RSPRY1: variants seen among roughly 807,000 people sequenced by gnomAD.
RSPRY1 encodes RING finger and SPRY domain-containing protein 1.
RSPRY1 carries 23 observed loss-of-function variants against 73.1 expected under a neutral mutation model. The ratio of observed to expected loss-of-function variants is 0.31; its 90% CI spans 0.23 to 0.45. RSPRY1 has a LOEUF of 0.45. Among genes scored for constraint, RSPRY1 ranks in the 20% least tolerant of loss-of-function variants. The pLI is 1.00. For missense variants in RSPRY1, 448 were observed against 698.7 expected (o/e 0.64, Z 4.05); for synonymous variants, 226 against 251.4 (o/e 0.90, Z 0.95).
intron 1 of RSPRY1, among the ~76,000 whole-genome samples, chr16:57,201,152 C>A: frequency 6.6e-6 from 1 of 151,842 alleles, no homozygotes; most frequent in East Asian, 1.9e-4. Context: ...GGGCTCCTCA[C>A]TTCTCAGACG....
Position 57,240,038 on chromosome 16 carries a change from G to GT in RSPRY1, c.*1069dup, listed in dbSNP as rs1396124092. On this transcript the variant is annotated 3_prime_UTR_variant, in exon 15 of 15. Transcript: ENST00000394420. ...TCTGGTGAAGACCTTCAAGAGTTTGGTTTTTTCTCCCAGGAAATTGGAAGG... is the reference window on the plus strand; with the variant it reads ...TCTGGTGAAGACCTTCAAGAGTTTGGTTTTTTTCTCCCAGGAAATTGGAAGG... The GT allele has an allele frequency of 6.6e-6, 1 of 152,096 alleles. No homozygotes were observed. The highest frequency in any genetic ancestry group is 1.5e-5 in the Non-Finnish European group (1 of 68,010). 9.4% of individuals were successfully genotyped at this position (152,096 alleles called of 1,614,324 possible). A position where few individuals can be genotyped will look rare whatever the true frequency, so the allele number is the denominator to read the frequency against.
At chr16:57,198,491 A>G (rs1473296179) in intron 1 of RSPRY1, among the ~76,000 whole-genome samples, 1 of 152,038 alleles carries the variant, frequency 6.6e-6, no homozygotes, top group African/African-American at 2.4e-5. Context: ...GATCCAACAA[A>G]CCTCTTTTTA....
intron 1 of RSPRY1, among the ~76,000 whole-genome samples, chr16:57,193,486 G>A (rs2074385003): frequency 7.2e-6 from 1 of 139,154 alleles, no homozygotes; most frequent in Admixed American, 7.6e-5. Flanking sequence ...GGGGTGTTCT[G>A]CAGGCTTTTT....
At chr16:57,189,796 G>A (rs558202809) in intron 1 of RSPRY1, among the ~76,000 whole-genome samples, 59 of 151,508 alleles carry the variant, frequency 3.9e-4, no homozygotes, top group African/African-American at 1.4e-3. Flanking sequence ...ACGCCATGTT[G>A]CCCAGGCTGG....
At chr16:57,197,425 C>T (rs1163076889) in intron 1 of RSPRY1, among the ~76,000 whole-genome samples, 15 of 152,052 alleles carry the variant, frequency 9.9e-5, no homozygotes, top group Non-Finnish European at 1.6e-4. Context: ...ATAGGCTTGC[C>T]TTTATAAAAT....
chr16:57,213,156 T>C (rs2074876606), intron 5 of RSPRY1, 58 bp downstream of exon 5: 7 of 1,531,312 alleles, frequency 4.6e-6, no homozygotes, highest in Non-Finnish European at 5.3e-6. Flanking sequence ...TAAAGGGAAA[T>C]TTGTACTGTA....
intron 11 of RSPRY1, among the ~76,000 whole-genome samples, chr16:57,229,754 G>A (rs1223239281): frequency 1.7e-4 from 20 of 114,920 alleles, no homozygotes; most frequent in Non-Finnish European, 2.6e-4. Context: ...CACCCAGGCT[G>A]GAGTGCAGTG....
At chr16:57,221,166 C>A in intron 9 of RSPRY1, 106 bp from the exon 10 acceptor site, 1 of 1,376,910 alleles carries the variant, frequency 7.3e-7, no homozygotes, top group Non-Finnish European at 1.0e-6. Flanking sequence ...AATAGTCCAC[C>A]AGAAGTTTTA....
intron 9 of RSPRY1, 57 bp downstream of exon 9, chr16:57,220,904 T>A (rs2075024398): frequency 8.1e-7 from 1 of 1,235,566 alleles, no homozygotes; most frequent in Non-Finnish European, 1.2e-6. Context: ...ATTATTTTAA[T>A]CCTTGCATAG....
At chr16:57,203,269 C>A (rs1266799972) in intron 1 of RSPRY1, among the ~76,000 whole-genome samples, 1 of 152,072 alleles carries the variant, frequency 6.6e-6, no homozygotes, top group East Asian at 1.9e-4. Context: ...GCACTCCAGC[C>A]TGGGTGATAG....
Position 57,204,653 on chromosome 16 carries a change from A to G in RSPRY1, c.-6A>G. 3 of 1,612,432 alleles carry G rather than the reference A, an allele frequency of 1.9e-6. No individual in the cohort carries two copies. Among genetic ancestry groups the G allele is most frequent in the Non-Finnish European group, 2.5e-6 (3 of 1,178,870 alleles). ...AACAGTACTTGGAAAACTGAAAACT[A>G]CCTAAATGATCGTCTTTGGTTGGGC... On this transcript the variant is annotated 5_prime_UTR_variant, in exon 2 of 15. Transcript: ENST00000394420.
chr16:57,192,585 G>A (rs975070785), intron 1 of RSPRY1, among the ~76,000 whole-genome samples: 4 of 151,852 alleles, frequency 2.6e-5, no homozygotes, highest in Non-Finnish European at 4.4e-5. Context: ...GAAAGGATTT[G>A]TCTTTTCTCC....
At chr16:57,216,823 C>T (rs1350264816) in intron 7 of RSPRY1, 81 bp from the exon 8 acceptor site, 1 of 1,334,852 alleles carries the variant, frequency 7.5e-7, no homozygotes, top group Non-Finnish European at 1.1e-6. Flanking sequence ...TGCCTCTTCC[C>T]CCTCCTTAGC....
chr16:57,221,147 G>A, intron 9 of RSPRY1, 125 bp from the exon 10 acceptor site: 1 of 1,175,162 alleles, frequency 8.5e-7, no homozygotes, highest in African/African-American at 1.5e-5. Context: ...GATGGACAGA[G>A]GAGGAAGCAA....
At chr16:57,201,841 C>T (rs1314872372) in intron 1 of RSPRY1, among the ~76,000 whole-genome samples, 6 of 152,306 alleles carry the variant, frequency 3.9e-5, no homozygotes, top group South Asian at 4.1e-4. Context: ...CGCCTGCAAT[C>T]GCAGGCACTC....
intron 10 of RSPRY1, among the ~76,000 whole-genome samples, chr16:57,222,149 A>G (rs1181759430): frequency 2.0e-5 from 3 of 152,184 alleles, no homozygotes. Flanking sequence ...TATTTTGTTA[A>G]TCTAAATAAT....
intron 2 of RSPRY1, among the ~76,000 whole-genome samples, chr16:57,207,037 G>A (rs768052064): frequency 5.3e-5 from 8 of 152,196 alleles, no homozygotes; most frequent in Non-Finnish European, 8.8e-5. Context: ...TTCATCTGGT[G>A]ATGGTCACTT....
intron 1 of RSPRY1, among the ~76,000 whole-genome samples, chr16:57,199,895 G>GTTTTTTTTTTTTTTT (rs61132783): frequency 9.4e-6 from 1 of 106,254 alleles, no homozygotes; most frequent in Non-Finnish European, 1.9e-5. Flanking sequence ...TTTTTTGTTT[G>GTTTTTTTTTTTTTTT]TTTTTTTTTT....
intron 8 of RSPRY1, 54 bp downstream of exon 8, chr16:57,217,089 T>C (rs1399425940): frequency 1.6e-5 from 26 of 1,597,106 alleles, no homozygotes; most frequent in Non-Finnish European, 2.1e-5. Context: ...CAGACTCATT[T>C]CTTTCATAGG....
Sources: gnomAD v4.1 joint callset for allele counts (sites outside exome capture counted in the v4.1 genomes callset) on GRCh38, gnomAD v4.1.1 for gene constraint, MANE v1.5 for transcripts, NCBI Gene and HGNC (gene_info 2026-07-23, HGNC 2026-07-21) for gene names.